Variants in KIAA1549L observed in about 807,000 individuals in gnomAD.
The protein encoded by KIAA1549L is KIAA1549 like.
KIAA1549L carries 88 observed loss-of-function variants against 160.7 expected under a neutral mutation model. The ratio of observed to expected loss-of-function variants is 0.55; its 90% confidence interval spans 0.46 to 0.65. The LOEUF (loss-of-function observed/expected upper bound fraction) is 0.65, where lower values mean the gene tolerates loss of function less well. KIAA1549L is among the 30% of genes least tolerant of loss of function. KIAA1549L has a pLI of 0.00. For missense variants in KIAA1549L, 2,258 were observed against 2,437.5 expected (o/e 0.93, Z 1.55); for synonymous variants, 950 against 976.7 (o/e 0.97, Z 0.51).
rs560656874 is a variant in KIAA1549L, at chr11:33,483,721, G to A, written c.239-58081G>A. The stretch of plus-strand genomic sequence containing the variant: ...TCTCGTGGTAGTGAATAAGTCTTAT[G>A]AGCTCTGATGGTTTTATAAGGGGAA... On this transcript the variant is annotated intron_variant, in intron 1 of 20. Transcript: ENST00000658780. Among the ~76,000 whole-genome samples the A allele has an allele frequency of 8.5e-5, 13 of 152,220 alleles. No homozygotes were observed. The South Asian group carries it at 2.7e-3, about 32-fold the overall frequency.
At chr11:33,632,363 A>T (rs1851319839) in intron 16 of KIAA1549L, among the ~76,000 whole-genome samples, 1 of 152,236 alleles carries the variant, frequency 6.6e-6, no homozygotes, top group South Asian at 2.1e-4. Context: ...TGACTGAGCC[A>T]TCATATGCCA....
intron 1 of KIAA1549L, among the ~76,000 whole-genome samples, chr11:33,422,550 C>T (rs1449529480): frequency 1.9e-5 from 2 of 107,674 alleles, no homozygotes; most frequent in East Asian, 3.7e-4. Flanking sequence ...CTCCCCCCTT[C>T]CCCCCCTCCT....
intron 1 of KIAA1549L, among the ~76,000 whole-genome samples, chr11:33,459,103 A>G (rs1359256996): frequency 2.0e-5 from 3 of 152,184 alleles, no homozygotes; most frequent in African/African-American, 7.2e-5. Context: ...GATTGTATTT[A>G]TAAATTTGGA....
In KIAA1549L at chr11:33,397,891, C is replaced by G. The variant is rs1850418528; in HGVS notation, c.238+21002C>G. Among the ~76,000 whole-genome samples, 2 of 141,698 alleles carry G rather than the reference C, an allele frequency of 1.4e-5. 1 individual carries two copies. Among genetic ancestry groups the G allele is most frequent in the South Asian group, 4.7e-4 (2 of 4,300 alleles). The allele number at this position is 141,698 out of a possible 152,430, so 93.0% of individuals were successfully genotyped here. On this transcript the variant is annotated intron_variant, in intron 1 of 20. Transcript: ENST00000658780. Reference sequence around the variant, plus strand: ...GTTTTTTTTAAATCAGGTTGGAACACTGAAAGTTCCAATTTGGTGGTTGGC... The same window carrying G: ...GTTTTTTTTAAATCAGGTTGGAACAGTGAAAGTTCCAATTTGGTGGTTGGC...
intron 1 of KIAA1549L, among the ~76,000 whole-genome samples, chr11:33,420,974 C>G (rs1490989243): frequency 6.6e-6 from 1 of 152,134 alleles, no homozygotes; most frequent in East Asian, 1.9e-4. Context: ...TGAGGAATGC[C>G]TATTGATTTG....
intron 15 of KIAA1549L, among the ~76,000 whole-genome samples, chr11:33,611,451 A>G (rs1485713378): frequency 6.6e-6 from 1 of 152,194 alleles, no homozygotes; most frequent in Admixed American, 6.5e-5. Flanking sequence ...TATTTTCAAT[A>G]AAGAAAAGAG....
Position 33,671,997 on chromosome 11 carries a change from A to G in KIAA1549L, c.*3843A>G, listed in dbSNP as rs887447866. 1.3e-5 allele frequency: 2 copies of G among 152,230 alleles called. No individual in the cohort carries two copies. Among genetic ancestry groups the G allele is most frequent in the Non-Finnish European group, 2.9e-5 (2 of 68,048 alleles). 9.4% of individuals were successfully genotyped at this position (152,230 alleles called of 1,614,324 possible). A position where few individuals can be genotyped will look rare whatever the true frequency, so the allele number is the denominator to read the frequency against. On this transcript the variant is annotated 3_prime_UTR_variant, in exon 21 of 21. Coordinates refer to ENST00000658780, the MANE Select transcript of KIAA1549L (RefSeq NM_012194.3). ...AATTCTGCCATTCAGTCCAACCTCA[A>G]AGGTGTTCCAGGCAAGGAGTTTTGC...
chr11:33,445,948 C>G (rs1851602494), intron 1 of KIAA1549L, among the ~76,000 whole-genome samples: 1 of 152,132 alleles, frequency 6.6e-6, no homozygotes, highest in Non-Finnish European at 1.5e-5. Context: ...ACTTCCTGGC[C>G]TGTGGAACTG....
intron 1 of KIAA1549L, among the ~76,000 whole-genome samples, chr11:33,520,591 T>G (rs1853459911): frequency 6.6e-6 from 1 of 152,048 alleles, no homozygotes; most frequent in Non-Finnish European, 1.5e-5. Flanking sequence ...GCTGTCATTA[T>G]TGTTTAGAAA....
At chr11:33,644,116 T>C (rs1851657526) in intron 16 of KIAA1549L, among the ~76,000 whole-genome samples, 2 of 152,224 alleles carry the variant, frequency 1.3e-5, no homozygotes, top group Admixed American at 1.3e-4. Context: ...AGTATAAAAA[T>C]ATTACAATAT....
At chr11:33,446,197 C>T (rs1433712256) in intron 1 of KIAA1549L, among the ~76,000 whole-genome samples, 6 of 151,414 alleles carry the variant, frequency 4.0e-5, no homozygotes, top group South Asian at 2.1e-4. Flanking sequence ...CAGGCTCAAG[C>T]GATTATCCTG....
At chr11:33,581,353 G>A (rs540696987) in intron 10 of KIAA1549L, among the ~76,000 whole-genome samples, 5 of 151,944 alleles carry the variant, frequency 3.3e-5, no homozygotes, top group Admixed American at 2.6e-4. Context: ...AATTTATTTT[G>A]TATTAGATTA....
intron 4 of KIAA1549L, among the ~76,000 whole-genome samples, chr11:33,548,550 A>G (rs190802342): frequency 6.6e-6 from 1 of 152,348 alleles, no homozygotes; most frequent in Admixed American, 6.5e-5. Context: ...ACTATTGTAA[A>G]CAGTGATTTA....
chr11:33,604,610 A>G (rs1850449577), intron 13 of KIAA1549L, among the ~76,000 whole-genome samples: 4 of 152,226 alleles, frequency 2.6e-5, no homozygotes, highest in Admixed American at 2.6e-4. Context: ...CATGGAATAC[A>G]CTACTCAGCC....
intron 1 of KIAA1549L, among the ~76,000 whole-genome samples, chr11:33,496,452 T>C (rs574336730): frequency 1.3e-5 from 2 of 152,364 alleles, no homozygotes; most frequent in Admixed American, 1.3e-4. Flanking sequence ...TGCTTGCTGG[T>C]CTAGTGCACA....
At chr11:33,580,587 A>AAAAAG (rs1554994222) in intron 10 of KIAA1549L, among the ~76,000 whole-genome samples, 25,123 of 124,678 alleles carry the variant, frequency 0.2, 2,593 homozygotes, top group East Asian at 0.32. Flanking sequence ...AAAAAAAAAA[A>AAAAAG]AAAAGAAAAG....
At chr11:33,647,946 TAACAC>T (rs778176272) in intron 17 of KIAA1549L, among the ~76,000 whole-genome samples, 21 of 152,242 alleles carry the variant, frequency 1.4e-4, no homozygotes, top group Non-Finnish European at 2.9e-5. Context: ...GACTGTGAAA[TAACAC>T]AACAGAGAGA....
intron 1 of KIAA1549L, among the ~76,000 whole-genome samples, chr11:33,432,785 C>T (rs914661125): frequency 6.6e-6 from 1 of 152,194 alleles, no homozygotes; most frequent in Admixed American, 6.5e-5. Context: ...CACCACACAT[C>T]TACAACCATC....
chr11:33,624,568 A>C (rs1257127315), intron 16 of KIAA1549L, among the ~76,000 whole-genome samples: 2 of 152,190 alleles, frequency 1.3e-5, no homozygotes, highest in Non-Finnish European at 2.9e-5. Context: ...GAGTCCTGAA[A>C]GAAAAAGGAA....
Sources: gnomAD v4.1 joint callset for allele counts (sites outside exome capture counted in the v4.1 genomes callset) on GRCh38, gnomAD v4.1.1 for gene constraint, MANE v1.5 for transcripts, NCBI Gene and HGNC (gene_info 2026-07-23, HGNC 2026-07-21) for gene names.